CCSER1: variants seen among roughly 807,000 people sequenced by gnomAD.
CCSER1 encodes coiled-coil serine rich protein 1.
In CCSER1, 41 loss-of-function variants were observed where a neutral mutation model predicts 82.0. The observed-to-expected ratio is 0.50, with a 90% CI of 0.39 to 0.65. The LOEUF is 0.65. Ranked by LOEUF, CCSER1 falls within the 30% of genes least tolerant of loss-of-function variation. The probability of loss-of-function intolerance (pLI) is 0.00; values close to 1 mark genes in which losing one functional copy is unlikely to be tolerated. For missense variants in CCSER1, 1,119 were observed against 1,064.2 expected (o/e 1.05, Z -0.72); for synonymous variants, 414 against 383.9 (o/e 1.08, Z -0.92).
intron 8 of CCSER1, among the ~76,000 whole-genome samples, chr4:90,842,624 A>G (rs1762718706): frequency 1.3e-5 from 2 of 152,230 alleles, no homozygotes; most frequent in South Asian, 4.1e-4. Flanking sequence ...ATCATTGAAG[A>G]GAACCATCAG....
intron 10 of CCSER1, among the ~76,000 whole-genome samples, chr4:91,112,441 A>C (rs1413923672): frequency 6.6e-6 from 1 of 152,062 alleles, no homozygotes. Flanking sequence ...CTATTCTGTA[A>C]GTTTTAAAAA....
chr4:90,309,446 A>T lies in CCSER1; in HGVS notation c.1162A>T (p.Thr388Ser). 2 of 1,613,872 alleles carry T rather than the reference A, an allele frequency of 1.2e-6. No homozygotes were observed. Among genetic ancestry groups the T allele is most frequent in the African/African-American group, 1.3e-5 (1 of 75,042 alleles). The part of the protein sequence containing the change: ...GLQNGETMLG[T>S]NSPRKLGFYE... ...ACAAAATGGTGAAACAATGCTGGGGACAAACTCCCCAAGGAAACTTGGATT... is the reference window on the plus strand; with the variant it reads ...ACAAAATGGTGAAACAATGCTGGGGTCAAACTCCCCAAGGAAACTTGGATT... Residue 388 changes from threonine to serine, a missense_variant, in exon 2 of 11, where the codon ACA (threonine) becomes TCA (serine). By Grantham distance (58) the Thr-to-Ser change is moderately conservative (BLOSUM62 1). Transcript: ENST00000509176.
chr4:90,280,935 T>G (rs1256789746), intron 1 of CCSER1, among the ~76,000 whole-genome samples: 1 of 152,016 alleles, frequency 6.6e-6, no homozygotes, highest in Non-Finnish European at 1.5e-5. Context: ...AGCCCAATGT[T>G]AATTCATATA....
intron 8 of CCSER1, among the ~76,000 whole-genome samples, chr4:90,892,490 A>G (rs1463629898): frequency 1.3e-5 from 2 of 151,760 alleles, no homozygotes; most frequent in Non-Finnish European, 2.9e-5. Flanking sequence ...CAATTATTTT[A>G]TTTTCCATAT....
chr4:91,453,132 T>A (rs185247449), intron 10 of CCSER1, among the ~76,000 whole-genome samples: 1 of 152,122 alleles, frequency 6.6e-6, no homozygotes, highest in African/African-American at 2.4e-5. Flanking sequence ...TACATTATCA[T>A]TTGGTCATTT....
At chr4:90,908,520 A>G (rs1184601353) in intron 8 of CCSER1, among the ~76,000 whole-genome samples, 11 of 152,164 alleles carry the variant, frequency 7.2e-5, no homozygotes, top group Admixed American at 6.6e-4. Flanking sequence ...CAAGAAGCAA[A>G]TGGTAGTCAT....
chr4:91,420,535 A>C (rs1753629729), intron 10 of CCSER1, among the ~76,000 whole-genome samples: 2 of 152,080 alleles, frequency 1.3e-5, no homozygotes, highest in Non-Finnish European at 1.5e-5. Context: ...AAAAAACAGG[A>C]GATAACAATT....
chr4:91,231,806 A>T (rs1403378499), intron 10 of CCSER1, among the ~76,000 whole-genome samples: 1 of 151,920 alleles, frequency 6.6e-6, no homozygotes, highest in Non-Finnish European at 1.5e-5. Flanking sequence ...GATACAAACG[A>T]AAAAGAAGGC....
intron 8 of CCSER1, among the ~76,000 whole-genome samples, chr4:90,903,420 G>A (rs1033430072): frequency 2.6e-5 from 4 of 152,062 alleles, no homozygotes; most frequent in Non-Finnish European, 4.4e-5. Context: ...GTCTGGATCT[G>A]TAAGTCCAAT....
intron 5 of CCSER1, among the ~76,000 whole-genome samples, chr4:90,559,328 G>A (rs190826289): frequency 1.2e-4 from 18 of 152,264 alleles, no homozygotes; most frequent in Admixed American, 1.1e-3. Context: ...CATCTGTGGT[G>A]TAGAAGGGGA....
intron 5 of CCSER1, among the ~76,000 whole-genome samples, chr4:90,520,138 CA>C (rs1204073175): frequency 6.6e-6 from 1 of 151,588 alleles, no homozygotes; most frequent in Non-Finnish European, 1.5e-5. Context: ...CAGTGCTGGA[CA>C]AAAAATAAGC....
At chr4:91,479,050 G>A (rs879561180) in intron 10 of CCSER1, among the ~76,000 whole-genome samples, 1 of 151,640 alleles carries the variant, frequency 6.6e-6, no homozygotes, top group Non-Finnish European at 1.5e-5. Context: ...CTATTCATTA[G>A]AGGGATAAGT....
chr4:91,202,273 G>A (rs1735962495), intron 10 of CCSER1, among the ~76,000 whole-genome samples: 1 of 151,880 alleles, frequency 6.6e-6, no homozygotes, highest in African/African-American at 2.4e-5. Context: ...CTGGGCTGAG[G>A]GATTGCCCCC....
intron 10 of CCSER1, among the ~76,000 whole-genome samples, chr4:91,544,261 C>T (rs1761765305): frequency 6.6e-6 from 1 of 152,174 alleles, no homozygotes; most frequent in Non-Finnish European, 1.5e-5. Flanking sequence ...CCTCCTTTAG[C>T]TCGGAGAAGT....
At chr4:90,925,845 T>G (rs1163870993) in intron 9 of CCSER1, among the ~76,000 whole-genome samples, 1 of 152,108 alleles carries the variant, frequency 6.6e-6, no homozygotes, top group East Asian at 1.9e-4. Context: ...AATGAGTCCC[T>G]AAAGAATCCC....
chr4:90,808,878 C>T (rs565468085), intron 7 of CCSER1, among the ~76,000 whole-genome samples: 2 of 152,158 alleles, frequency 1.3e-5, no homozygotes, highest in African/African-American at 4.8e-5. Flanking sequence ...ATTCAGCAAT[C>T]TCACTACTGG....
At chr4:90,322,119 T>C (rs1320507480) in intron 3 of CCSER1, among the ~76,000 whole-genome samples, 5 of 152,172 alleles carry the variant, frequency 3.3e-5, no homozygotes, top group Non-Finnish European at 5.9e-5. Context: ...TTTGAGGTCT[T>C]AGATTTAAGT....
chr4:90,715,772 T>C (rs1741527769), intron 6 of CCSER1, among the ~76,000 whole-genome samples: 1 of 152,034 alleles, frequency 6.6e-6, no homozygotes, highest in Non-Finnish European at 1.5e-5. Context: ...ACTGGTAGAA[T>C]CTCTATGCAG....
At chr4:90,794,872 G>A (rs1755775261) in intron 7 of CCSER1, among the ~76,000 whole-genome samples, 1 of 152,100 alleles carries the variant, frequency 6.6e-6, no homozygotes, top group Non-Finnish European at 1.5e-5. Flanking sequence ...TCTCTTTGTA[G>A]AGGTCTTTCA....
Sources: gnomAD v4.1 joint callset for allele counts (sites outside exome capture counted in the v4.1 genomes callset) on GRCh38, gnomAD v4.1.1 for gene constraint, MANE v1.5 for transcripts, NCBI Gene and HGNC (gene_info 2026-07-23, HGNC 2026-07-21) for gene names.